IFNAR1: variants seen among roughly 807,000 people sequenced by gnomAD.
IFNAR1 encodes interferon alpha/beta receptor 1.
In IFNAR1, 47 loss-of-function variants were observed where a neutral mutation model predicts 62.1. The ratio of observed to expected loss-of-function variants is 0.76; its 90% CI spans 0.60 to 0.97. The LOEUF is 0.97. IFNAR1 is among the 50% of genes least tolerant of loss of function. The pLI, the probability that IFNAR1 is intolerant of heterozygous loss-of-function variation, is 0.00. For missense variants in IFNAR1, 638 were observed against 654.5 expected, an observed-to-expected ratio of 0.97 and a Z score of 0.27; for synonymous variants, 219 against 226.9, an observed-to-expected ratio of 0.97 and a Z score of 0.31.
intron 2 of IFNAR1, among the ~76,000 whole-genome samples, chr21:33,340,458 A>G (rs2083283039): frequency 6.6e-6 from 1 of 151,840 alleles, no homozygotes; most frequent in Non-Finnish European, 1.5e-5. Context: ...CCCTATGCTC[A>G]AATGACCCTC....
rs1051395866 is a variant in IFNAR1 at position 33,334,126 on chromosome 21, A to T, written c.77-1398A>T. On this transcript the variant is annotated intron_variant, in intron 1 of 10. Transcript: ENST00000270139. Reference sequence around the variant, plus strand: ...ATAAAGGGACCAATTCAGCAAGAGGATATAACAATTCTAAACATACATGTA... The same window carrying T: ...ATAAAGGGACCAATTCAGCAAGAGGTTATAACAATTCTAAACATACATGTA... Among the ~76,000 whole-genome samples the T allele has an allele frequency of 5.3e-5, 8 of 152,316 alleles. No homozygotes were observed. The South Asian group carries it at 6.2e-4, about 12-fold the overall frequency.
intron 1 of IFNAR1, among the ~76,000 whole-genome samples, chr21:33,327,919 T>C (rs764954010): frequency 4.6e-5 from 7 of 152,170 alleles, no homozygotes; most frequent in Non-Finnish European, 7.4e-5. Flanking sequence ...TTCTGATTGG[T>C]AATTGGTTGA....
At chr21:33,325,422 TTCCGGGAAAGTACCGCGGCTCCGCTGG>T in intron 1 of IFNAR1, among the ~76,000 whole-genome samples, 1 of 152,302 alleles carries the variant, frequency 6.6e-6, no homozygotes, top group Non-Finnish European at 1.5e-5. Context: ...GTTTGATTCT[TTCCGGGAAAGTACCGCGGCTCCGCTGG>T]TCTGTTTGAT....
chr21:33,343,233 A>G (rs2083310548), intron 3 of IFNAR1, 35 bp from the exon 4 acceptor site: 1 of 1,589,654 alleles, frequency 6.3e-7, no homozygotes, highest in Non-Finnish European at 8.6e-7. Context: ...TTGTATTAAT[A>G]AAGTTCCATA....
rs374168167 is a variant in IFNAR1 at position 33,335,517 on chromosome 21, T to C, written c.77-7T>C. 24 of 1,558,240 alleles carry C rather than the reference T, an allele frequency of 1.5e-5. No homozygotes were observed. In the African/African-American group the frequency reaches 3.1e-4, roughly 20 times the overall value. ...TATAATGTTCTTATTTCTTGTTGCT[T>C]TTATAGGTGGAAAAAATCTAAAATC... is the stretch of plus-strand genomic sequence containing the variant. On this transcript the variant is annotated splice_region_variant and splice_polypyrimidine_tract_variant and intron_variant, in intron 1 of 10. Coordinates refer to ENST00000270139, the MANE Select transcript of IFNAR1 (RefSeq NM_000629.3).
At chr21:33,342,755 G>A (rs1480285471) in intron 3 of IFNAR1, among the ~76,000 whole-genome samples, 1 of 151,782 alleles carries the variant, frequency 6.6e-6, no homozygotes, top group African/African-American at 2.4e-5. Context: ...TACTCGGGAG[G>A]CTGAGGCAGG....
chr21:33,342,688 CAA>C (rs757422966), intron 3 of IFNAR1, among the ~76,000 whole-genome samples: 7 of 93,496 alleles, frequency 7.5e-5, no homozygotes, highest in Admixed American at 6.5e-4. Context: ...ACTAAAAATA[CAA>C]AAAAAAAAAA....
At chr21:33,343,160 C>A in intron 3 of IFNAR1, 108 bp from the exon 4 acceptor site, 1 of 845,150 alleles carries the variant, frequency 1.2e-6, no homozygotes, top group Non-Finnish European at 1.9e-6. Context: ...ATGCTCTTAA[C>A]TCCCAGAAGT....
chr21:33,325,866 C>G (rs1012307060), intron 1 of IFNAR1, among the ~76,000 whole-genome samples: 7 of 152,156 alleles, frequency 4.6e-5, no homozygotes, highest in African/African-American at 1.7e-4. Context: ...GGAGTCTTGA[C>G]TTTGTTTTGC....
At position 33,345,246 on chromosome 21, in the gene IFNAR1, T is replaced by C; in HGVS notation, c.674T>C (p.Val225Ala). The change falls in exon 6 of 11, where the codon GTT becomes GCT. Residue 225 changes from valine (V) to alanine (A), a missense_variant and splice_region_variant. Physicochemically the swap from Val to Ala is moderately conservative, Grantham distance 64. Coordinates refer to ENST00000270139, the MANE Select transcript of IFNAR1 (RefSeq NM_000629.3). The stretch of plus-strand genomic sequence containing the variant: ...TTTTTATCTGTTCTTTGGCTTCTAG[T>C]TGAAAATGAACTACCTCCACCAGAA... ...YSPVHCIKTTVENELPPPENI... is the reference protein window; with the variant it reads ...YSPVHCIKTTAENELPPPENI... The C allele has an allele frequency of 6.7e-7, 1 of 1,483,312 alleles. No homozygotes were observed. Among genetic ancestry groups the C allele is most frequent in the Non-Finnish European group, 9.4e-7 (1 of 1,064,962 alleles). 91.9% of individuals were successfully genotyped at this position (1,483,312 alleles called of 1,614,324 possible).
At chr21:33,334,366 GGGAT>G (rs1394614162) in intron 1 of IFNAR1, among the ~76,000 whole-genome samples, 15 of 152,098 alleles carry the variant, frequency 9.9e-5, no homozygotes, top group African/African-American at 3.6e-4. Flanking sequence ...TCATACACAA[GGGAT>G]CTTTGATAAC....
upstream of IFNAR1, chr21:33,324,572 C>T (rs1224066534): frequency 3.2e-5 from 5 of 156,378 alleles, no homozygotes; most frequent in South Asian, 8.4e-4. Context: ...CAGGAGCCCA[C>T]CCGCGCCCTC....
chr21:33,359,377 T>C lies in IFNAR1; in HGVS notation c.*3828T>C, dbSNP rs1486968929. 3 of 152,200 alleles carry C rather than the reference T, an allele frequency of 2.0e-5. No homozygotes were observed. The highest frequency in any genetic ancestry group is 7.2e-5 in the African/African-American group (3 of 41,440). 9.4% of individuals were successfully genotyped at this position (152,200 alleles called of 1,614,324 possible). ...CTGCAGCTGATGCCTTTAAAAGGTA[T>C]TCATCATGGAAGAGCTGAGGCCTGT... On this transcript the variant is annotated 3_prime_UTR_variant, in exon 11 of 11. Transcript: ENST00000270139.
intron 1 of IFNAR1, among the ~76,000 whole-genome samples, chr21:33,330,109 G>A (rs542747296): frequency 1.3e-5 from 2 of 152,288 alleles, no homozygotes; most frequent in African/African-American, 4.8e-5. Flanking sequence ...TCAACCCTTA[G>A]CAGACAGCTG....
chr21:33,335,917 T>TC (rs1030243603), intron 2 of IFNAR1, among the ~76,000 whole-genome samples: 10 of 131,400 alleles, frequency 7.6e-5, no homozygotes, highest in East Asian at 3.9e-4. Flanking sequence ...TCCAGCTTCT[T>TC]TTTTTTTTTT....
At chr21:33,334,987 C>A in intron 1 of IFNAR1, 1 of 1,570,626 alleles carries the variant, frequency 6.4e-7, no homozygotes, top group Non-Finnish European at 8.7e-7. Flanking sequence ...CTCAGAGGCA[C>A]TGCTTGGGCA....
intron 1 of IFNAR1, among the ~76,000 whole-genome samples, chr21:33,325,373 C>T (rs1260514741): frequency 3.9e-5 from 6 of 152,196 alleles, no homozygotes; most frequent in Admixed American, 3.9e-4. Flanking sequence ...CGCCCGGGTC[C>T]CACCCCCGTG....
chr21:33,353,818 A>G (rs201457838), intron 10 of IFNAR1, 35 bp downstream of exon 10: 345 of 1,411,384 alleles, frequency 2.4e-4, no homozygotes, highest in Non-Finnish European at 3.2e-4. Context: ...GTCAACAGCT[A>G]GGTAATGAAC....
At chr21:33,335,930 TTAA>T (rs1405653936) in intron 2 of IFNAR1, among the ~76,000 whole-genome samples, 9 of 151,194 alleles carry the variant, frequency 6.0e-5, no homozygotes, top group Non-Finnish European at 1.0e-4. Context: ...TTTTTTTTTT[TTAA>T]TTATTATACT....
Sources: gnomAD v4.1 joint callset for allele counts (sites outside exome capture counted in the v4.1 genomes callset) on GRCh38, gnomAD v4.1.1 for gene constraint, MANE v1.5 for transcripts, NCBI Gene and HGNC (gene_info 2026-07-23, HGNC 2026-07-21) for gene names.